SDAD1: variants seen among roughly 807,000 people sequenced by gnomAD.
SDAD1 encodes the protein protein SDA1 homolog.
SDAD1 carries 79 observed loss-of-function variants against 100.3 expected under a neutral mutation model. That is an observed-to-expected ratio of 0.79 (90% CI 0.66 to 0.95). The LOEUF (loss-of-function observed/expected upper bound fraction) is 0.95, where lower values mean the gene tolerates loss of function less well. SDAD1 is among the 40% of genes least tolerant of loss of function. The pLI is 0.00. For synonymous variants in SDAD1, 267 were observed against 271.4 expected (o/e 0.98, Z 0.16); for missense variants, 790 against 810.9 (o/e 0.97, Z 0.31).
Position 75,967,330 on chromosome 4 carries a change from A to C in SDAD1, c.992T>G (p.Phe331Cys). Residue 331 changes from phenylalanine (F) to cysteine (C), a missense_variant, in exon 12 of 22, where the codon TTC (phenylalanine) becomes TGC (cysteine). Coordinates refer to ENST00000356260, the MANE Select transcript of SDAD1 (RefSeq NM_018115.4). ...CAAAAAGGGATAGAAATTGAAGAGG[A>C]AAAGCTGTGGAGAGAAAACCGACTT... ...ISRLVGIHEL[F>C]LFNFYPFLQR... 1 of 1,613,882 alleles carries C rather than the reference A, an allele frequency of 6.2e-7. No individual in the cohort carries two copies. The highest frequency in any genetic ancestry group is 8.5e-7 in the Non-Finnish European group (1 of 1,179,840).
Position 75,990,912 on chromosome 4 carries a change from G to C in SDAD1, c.-71C>G, listed in dbSNP as rs114686784. The C allele has an allele frequency of 3.8e-6, 6 of 1,578,126 alleles. No individual in the cohort carries two copies. The East Asian group carries it at 1.1e-4, about 29-fold the overall frequency. ...AGACGGCCGGCACCCCGCAATCCCT[G>C]CCAGCTGCAGCTTGGACTCGTGTTT... On this transcript the variant is annotated 5_prime_UTR_variant, in exon 1 of 22. Transcript: ENST00000356260.
At chr4:75,958,658 C>T (rs1470410389) in intron 17 of SDAD1, among the ~76,000 whole-genome samples, 1 of 152,118 alleles carries the variant, frequency 6.6e-6, no homozygotes, top group Admixed American at 6.6e-5. Flanking sequence ...TTTCTATGTT[C>T]CATCTTGTAT....
chr4:75,965,744 G>A lies in SDAD1; in HGVS notation c.1104+20C>T. ...TGTCATCCATGCCCTAGGTCCAGAA[G>A]TCAGGTTACAGGTTCTCACCTCTGG... On this transcript the variant is annotated intron_variant, in intron 13 of 21. Transcript: ENST00000356260. 2 of 1,608,274 alleles carry A rather than the reference G, an allele frequency of 1.2e-6. No individual in the cohort carries two copies. The highest frequency in any genetic ancestry group is 1.7e-6 in the Non-Finnish European group (2 of 1,174,770).
At position 75,971,458 on chromosome 4, in the gene SDAD1, C is replaced by A; in HGVS notation, c.712G>T (p.Asp238Tyr). ...AGGTCTCTTGCTGTTGGTCCATCAT[C>A]CTAAAGAAGAAATTACTTTGTAAAA... Reference protein sequence around the residue: ...EKQDSDSESEDDGPTARDLLV... With the variant: ...EKQDSDSESEYDGPTARDLLV... Residue 238 changes from aspartate (D) to tyrosine (Y), a missense_variant and splice_region_variant, in exon 9 of 22, where the codon GAT (aspartate) becomes TAT (tyrosine). By Grantham distance (160) the Asp-to-Tyr change is radical. Transcript: ENST00000356260. 2.5e-6 allele frequency: 4 copies of A among 1,604,316 alleles called. No individual in the cohort carries two copies. The highest frequency in any genetic ancestry group is 1.3e-5 in the African/African-American group (1 of 74,682).
chr4:75,984,762 TACACACACACACACAA>T (rs1307601285), intron 1 of SDAD1, among the ~76,000 whole-genome samples: 1 of 72,892 alleles, frequency 1.4e-5, no homozygotes, highest in African/African-American at 6.1e-5. Flanking sequence ...TTATGTGACA[TACACACACACACACAA>T]ACACACACAC....
intron 21 of SDAD1, among the ~76,000 whole-genome samples, chr4:75,951,226 T>G (rs1006636110): frequency 6.6e-6 from 1 of 152,210 alleles, no homozygotes; most frequent in Admixed American, 6.5e-5. Flanking sequence ...TCACATATAT[T>G]CCACTAAATA....
chr4:75,956,140 C>A lies in SDAD1; in HGVS notation c.1855-4G>T, dbSNP rs148091091. On this transcript the variant is annotated splice_polypyrimidine_tract_variant and splice_region_variant and intron_variant, in intron 20 of 21. Transcript: ENST00000356260. ...CTTTTCGGTCTGTCTTTCCAGCCTA[C>A]CAGAACAAAAAGTTTGATATTTCTT... 969 of 1,594,052 alleles carry A rather than the reference C, an allele frequency of 6.1e-4. 4 individuals are homozygous for A. In the African/African-American group the frequency reaches 0.012, roughly 19 times the overall value.
chr4:75,954,580 G>A (rs1728786807), intron 21 of SDAD1, among the ~76,000 whole-genome samples: 2 of 152,110 alleles, frequency 1.3e-5, no homozygotes, highest in African/African-American at 2.4e-5. Context: ...GGCTGAGGTG[G>A]GAGGATCACT....
intron 3 of SDAD1, among the ~76,000 whole-genome samples, chr4:75,980,247 A>G (rs977493397): frequency 2.0e-5 from 3 of 152,196 alleles, no homozygotes; most frequent in Non-Finnish European, 4.4e-5. Context: ...ATCAGTTGAC[A>G]ACCCAGGGCC....
chr4:75,989,317 T>C (rs1278021391), intron 1 of SDAD1, among the ~76,000 whole-genome samples: 1 of 152,226 alleles, frequency 6.6e-6, no homozygotes, highest in African/African-American at 2.4e-5. Flanking sequence ...CTTCCCTGTT[T>C]ACGGGGTCTA....
Position 75,950,192 on chromosome 4 carries a change from C to A in SDAD1, c.*558G>T, listed in dbSNP as rs1728553797. On this transcript the variant is annotated 3_prime_UTR_variant, in exon 22 of 22. Transcript: ENST00000356260. ...TGACTAAAAGAGCTAAATTATGTAC[C>A]CAAAATCTGTACAGCAGGGGCCTGT... The A allele has an allele frequency of 6.6e-6, 1 of 151,672 alleles. No homozygotes were observed. The highest frequency in any genetic ancestry group is 1.5e-5 in the Non-Finnish European group (1 of 67,918). 9.4% of individuals were successfully genotyped at this position (151,672 alleles called of 1,614,324 possible).
At position 75,954,927 on chromosome 4, in the gene SDAD1, C is replaced by T. The variant is rs140602378; in HGVS notation, c.2016+1048G>A. 1.0e-3 allele frequency among the ~76,000 whole-genome samples: 152 copies of T among 152,262 alleles called. 1 individual carries two copies. The highest frequency in any genetic ancestry group is 3.5e-3 in the African/African-American group (144 of 41,552). On this transcript the variant is annotated intron_variant, in intron 21 of 21. Transcript: ENST00000356260. ...GGTTATAAACGCCCTTATCTTGCCA[C>T]GGCTCTTGTAGGTCTCTTCAAGAGT...
chr4:75,954,834 G>C (rs1728803408), intron 21 of SDAD1, among the ~76,000 whole-genome samples: 1 of 152,156 alleles, frequency 6.6e-6, no homozygotes. Flanking sequence ...TCTGGGAATG[G>C]AATGTGACCC....
chr4:75,957,944 G>C lies in SDAD1; in HGVS notation c.1484-3C>G, dbSNP rs781223227. ...GAGACTGGTACTTTCCCATCCATCT[G>C]CGTGAAAAAAGCAAACCCACTACTG... On this transcript the variant is annotated splice_polypyrimidine_tract_variant and splice_region_variant and intron_variant, in intron 17 of 21. Transcript: ENST00000356260. 1 of 1,612,106 alleles carries C rather than the reference G, an allele frequency of 6.2e-7. No homozygotes were observed. The highest frequency in any genetic ancestry group is 8.5e-7 in the Non-Finnish European group (1 of 1,179,746).
At chr4:75,968,976 A>G (rs1294062251) in intron 11 of SDAD1, among the ~76,000 whole-genome samples, 6 of 138,216 alleles carry the variant, frequency 4.3e-5, no homozygotes, top group Non-Finnish European at 7.6e-5. Flanking sequence ...GGTTGCAGTG[A>G]GCCGAGATTG....
At chr4:75,989,363 A>G (rs182889652) in intron 1 of SDAD1, among the ~76,000 whole-genome samples, 3 of 152,206 alleles carry the variant, frequency 2.0e-5, no homozygotes, top group Admixed American at 1.3e-4. Context: ...ATTCCCATCC[A>G]GTTTTATTTT....
intron 1 of SDAD1, among the ~76,000 whole-genome samples, chr4:75,988,713 A>G (rs1731051937): frequency 6.6e-6 from 1 of 152,196 alleles, no homozygotes; most frequent in South Asian, 2.1e-4. Context: ...CAGGTAATCA[A>G]CAGTATTTGT....
At chr4:75,971,829 G>A (rs527860653) in intron 8 of SDAD1, among the ~76,000 whole-genome samples, 52 of 152,144 alleles carry the variant, frequency 3.4e-4, no homozygotes, top group Non-Finnish European at 5.4e-4. Context: ...CTGAGATCAC[G>A]CCACTGCACT....
intron 14 of SDAD1, 73 bp downstream of exon 14, chr4:75,964,062 A>G: frequency 2.1e-6 from 2 of 970,908 alleles, no homozygotes; most frequent in Non-Finnish European, 3.3e-6. Context: ...CTACAATCTT[A>G]CATCTTGGTA....
Sources: gnomAD v4.1 joint callset for allele counts (sites outside exome capture counted in the v4.1 genomes callset) on GRCh38, gnomAD v4.1.1 for gene constraint, MANE v1.5 for transcripts, NCBI Gene and HGNC (gene_info 2026-07-23, HGNC 2026-07-21) for gene names.